Variants in MDGA2 observed in about 807,000 individuals in gnomAD.
MDGA2 encodes MAM domain-containing glycosylphosphatidylinositol anchor protein 2.
A neutral mutation model predicts 117.8 loss-of-function variants in MDGA2; 40 were observed. The ratio of observed to expected loss-of-function variants is 0.34; its 90% CI spans 0.26 to 0.44. MDGA2 has a LOEUF of 0.44. Among genes scored for constraint, MDGA2 ranks in the 20% least tolerant of loss-of-function variants. The pLI is 1.00. For missense variants in MDGA2, 1,123 were observed against 1,250.6 expected, an observed-to-expected ratio of 0.90 and a Z score of 1.54; for synonymous variants, 452 against 439.0, an observed-to-expected ratio of 1.03 and a Z score of -0.37.
At chr14:47,325,415 T>C (rs1388580472) in intron 1 of MDGA2, among the ~76,000 whole-genome samples, 1 of 152,190 alleles carries the variant, frequency 6.6e-6, no homozygotes, top group African/African-American at 2.4e-5. Flanking sequence ...AATAAGCTTC[T>C]GCATTAAAAC....
intron 2 of MDGA2, among the ~76,000 whole-genome samples, chr14:47,256,926 A>G (rs1887640020): frequency 6.6e-6 from 1 of 151,634 alleles, no homozygotes; most frequent in African/African-American, 2.4e-5. Context: ...AAGAAAGAGG[A>G]ATGAAGGAAG....
At chr14:47,355,396 T>C (rs112699049) in intron 1 of MDGA2, among the ~76,000 whole-genome samples, 1 of 152,108 alleles carries the variant, frequency 6.6e-6, no homozygotes, top group African/African-American at 2.4e-5. Flanking sequence ...AGCCTGGCTG[T>C]AGTGGGCCCT....
At chr14:47,565,886 G>A (rs150692259) in intron 1 of MDGA2, among the ~76,000 whole-genome samples, 5 of 152,320 alleles carry the variant, frequency 3.3e-5, no homozygotes, top group African/African-American at 1.2e-4. Context: ...GGGAATGGGG[G>A]TGCGGATGTC....
At chr14:47,168,764 TAAAG>T (rs1448921307) in intron 3 of MDGA2, among the ~76,000 whole-genome samples, 1 of 152,034 alleles carries the variant, frequency 6.6e-6, no homozygotes, top group African/African-American at 2.4e-5. Flanking sequence ...TATGTTAAAT[TAAAG>T]AAGCTGAAAT....
At chr14:47,612,125 T>C (rs1394084032) in intron 1 of MDGA2, among the ~76,000 whole-genome samples, 2 of 152,080 alleles carry the variant, frequency 1.3e-5, no homozygotes, top group East Asian at 1.9e-4. Context: ...CCAAGAAATA[T>C]GATTTCCCTA....
At chr14:47,565,647 G>A (rs1485631842) in intron 1 of MDGA2, among the ~76,000 whole-genome samples, 2 of 152,220 alleles carry the variant, frequency 1.3e-5, no homozygotes, top group African/African-American at 2.4e-5. Flanking sequence ...CCATACGACA[G>A]AGTGCATGCT....
At chr14:47,645,250 C>CTT (rs893191389) in intron 1 of MDGA2, among the ~76,000 whole-genome samples, 3 of 144,968 alleles carry the variant, frequency 2.1e-5, no homozygotes, top group Admixed American at 6.9e-5. Flanking sequence ...TAATTCAATC[C>CTT]TTTTTTTTTT....
chr14:47,292,060 G>A (rs181812411), intron 2 of MDGA2, among the ~76,000 whole-genome samples: 168 of 152,310 alleles, frequency 1.1e-3, no homozygotes, highest in African/African-American at 3.8e-3. Flanking sequence ...TTCCAGTGAA[G>A]ATACCACATC....
At chr14:47,666,268 T>G (rs1594971817) in intron 1 of MDGA2, among the ~76,000 whole-genome samples, 1 of 151,938 alleles carries the variant, frequency 6.6e-6, no homozygotes, top group Middle Eastern at 3.4e-3. Context: ...TAGCTCAAGG[T>G]TTGTAAATGC....
At chr14:46,988,145 T>C (rs751651495) in intron 8 of MDGA2, among the ~76,000 whole-genome samples, 2 of 151,852 alleles carry the variant, frequency 1.3e-5, no homozygotes, top group Non-Finnish European at 2.9e-5. Flanking sequence ...ATGAGAAGGG[T>C]TGTATTTTTT....
intron 9 of MDGA2, among the ~76,000 whole-genome samples, chr14:46,947,408 TCCC>T (rs924774151): frequency 2.0e-5 from 3 of 151,964 alleles, no homozygotes; most frequent in Admixed American, 1.3e-4. Flanking sequence ...ATGTAAATTT[TCCC>T]CCCAACATAT....
At chr14:47,378,592 C>T (rs1357021441) in intron 1 of MDGA2, among the ~76,000 whole-genome samples, 3 of 151,780 alleles carry the variant, frequency 2.0e-5, no homozygotes, top group South Asian at 2.1e-4. Flanking sequence ...GTAGCCGATT[C>T]GATCAAGTGG....
intron 7 of MDGA2, among the ~76,000 whole-genome samples, chr14:47,036,120 A>C (rs12433594): frequency 0.15 from 22,122 of 151,550 alleles, 1,696 homozygotes; most frequent in Admixed American, 0.22. Context: ...ATACAAAAAA[A>C]TTAGCCCAGC....
chr14:47,629,847 A>G (rs1897220689), intron 1 of MDGA2, among the ~76,000 whole-genome samples: 1 of 152,158 alleles, frequency 6.6e-6, no homozygotes, highest in Non-Finnish European at 1.5e-5. Context: ...GGCTTCTCAA[A>G]CATTACTGTG....
chr14:47,210,807 C>A (rs1231664382), intron 3 of MDGA2, among the ~76,000 whole-genome samples: 1 of 152,118 alleles, frequency 6.6e-6, no homozygotes, highest in Non-Finnish European at 1.5e-5. Flanking sequence ...CTGCTTGAGG[C>A]CAGGCATTTG....
chr14:47,009,461 C>G (rs1278364152), intron 8 of MDGA2, among the ~76,000 whole-genome samples: 1 of 152,020 alleles, frequency 6.6e-6, no homozygotes, highest in African/African-American at 2.4e-5. Context: ...TGCTATCTGG[C>G]CTAGCCCTCT....
At chr14:47,577,596 A>G (rs548879665) in intron 1 of MDGA2, among the ~76,000 whole-genome samples, 10 of 152,318 alleles carry the variant, frequency 6.6e-5, no homozygotes, top group African/African-American at 2.4e-4. Flanking sequence ...ATTTACAAGA[A>G]AAAACAACCC....
intron 14 of MDGA2, among the ~76,000 whole-genome samples, chr14:46,866,360 T>C (rs1331612519): frequency 2.0e-5 from 3 of 152,140 alleles, no homozygotes; most frequent in African/African-American, 4.8e-5. Flanking sequence ...TGAAACTGGA[T>C]TCCTTCCTTA....
chr14:47,047,288 C>T (rs73243244), intron 7 of MDGA2, among the ~76,000 whole-genome samples: 4,905 of 152,122 alleles, frequency 0.032, 90 homozygotes, highest in Middle Eastern at 0.054. Flanking sequence ...TTGTAATCCA[C>T]ATACTAGCTG....
Sources: allele counts gnomAD v4.1 joint callset (sites outside exome capture counted in the v4.1 genomes callset), GRCh38; gene constraint gnomAD v4.1.1; transcripts MANE v1.5; gene names NCBI Gene and HGNC (gene_info 2026-07-23, HGNC 2026-07-21).